CA10: variants seen among roughly 807,000 people sequenced by gnomAD.
CA10 encodes the protein carbonic anhydrase-related protein 10.
In CA10, 14 loss-of-function variants were observed where a neutral mutation model predicts 44.2. The observed-to-expected ratio is 0.32, with a 90% CI of 0.21 to 0.50. The LOEUF is 0.50. Ranked by LOEUF, CA10 falls within the 20% of genes least tolerant of loss-of-function variation. CA10 has a pLI of 0.99. For synonymous variants in CA10, 159 were observed against 141.6 expected (o/e 1.12, Z -0.87); for missense variants, 350 against 409.7 (o/e 0.85, Z 1.26).
chr17:51,700,833 T>C (rs1915573865), intron 4 of CA10, among the ~76,000 whole-genome samples: 1 of 152,000 alleles, frequency 6.6e-6, no homozygotes, highest in African/African-American at 2.4e-5. Context: ...AACCAAACAC[T>C]GTATGTTCTC....
chr17:51,870,904 C>A (rs1461308113), intron 3 of CA10, among the ~76,000 whole-genome samples: 1 of 152,112 alleles, frequency 6.6e-6, no homozygotes, highest in Admixed American at 6.6e-5. Context: ...TAAAGAGATT[C>A]TTCGCTTTCC....
rs1916187322 is a variant in CA10 at position 51,717,745 on chromosome 17, A to ATG, written c.465+29887_465+29888insCA. Among the ~76,000 whole-genome samples the ATG allele has an allele frequency of 5.5e-4, 12 of 21,668 alleles. 4 individuals carry two copies. Among genetic ancestry groups the ATG allele is most frequent in the East Asian group, 2.3e-3 (1 of 442 alleles). 14.2% of individuals were successfully genotyped at this position (21,668 alleles called of 152,430 possible). Reference sequence around the variant, plus strand: ...TATATATACATATATACGTATATATACATGTATATATACGTATATATGTAT... The same window carrying ATG: ...TATATATACATATATACGTATATATATGCATGTATATATACGTATATATGTAT... On this transcript the variant is annotated intron_variant, in intron 4 of 8. Coordinates refer to ENST00000451037, the MANE Select transcript of CA10 (RefSeq NM_020178.5).
chr17:52,033,701 G>A (rs920472537), intron 2 of CA10, among the ~76,000 whole-genome samples: 3 of 152,120 alleles, frequency 2.0e-5, no homozygotes, highest in Non-Finnish European at 4.4e-5. Context: ...AAGATTAACA[G>A]CATGGAAATA....
At chr17:52,139,122 T>C (rs1219294994) in intron 1 of CA10, among the ~76,000 whole-genome samples, 2 of 152,164 alleles carry the variant, frequency 1.3e-5, no homozygotes, top group Non-Finnish European at 2.9e-5. Context: ...AAAGAGAATA[T>C]CCTATGGAGG....
At chr17:52,016,771 A>T (rs971624193) in intron 2 of CA10, among the ~76,000 whole-genome samples, 5 of 151,910 alleles carry the variant, frequency 3.3e-5, no homozygotes, top group Non-Finnish European at 7.4e-5. Flanking sequence ...AAATTATCCA[A>T]GTGTGGTGGC....
At chr17:51,946,400 T>C (rs761629280) in intron 2 of CA10, among the ~76,000 whole-genome samples, 52 of 152,304 alleles carry the variant, frequency 3.4e-4, no homozygotes, top group East Asian at 3.9e-4. Flanking sequence ...GTAGTATCTC[T>C]GGGGATTAAG....
chr17:52,030,283 CG>C (rs1328242824), intron 2 of CA10, among the ~76,000 whole-genome samples: 3 of 152,120 alleles, frequency 2.0e-5, no homozygotes, highest in Admixed American at 1.3e-4. Flanking sequence ...AAGATCATGC[CG>C]TAGGGCCTGT....
At chr17:52,107,246 G>T (rs1988680532) in intron 1 of CA10, among the ~76,000 whole-genome samples, 1 of 152,108 alleles carries the variant, frequency 6.6e-6, no homozygotes, top group Non-Finnish European at 1.5e-5. Context: ...TTGAGATTTA[G>T]TTCTGATTCC....
At chr17:51,750,569 A>G (rs754254116) in intron 3 of CA10, among the ~76,000 whole-genome samples, 2 of 152,242 alleles carry the variant, frequency 1.3e-5, no homozygotes, top group Non-Finnish European at 2.9e-5. Flanking sequence ...ACGAATCCAG[A>G]GATATTTCAT....
At chr17:51,970,123 AAAGATACTATGC>A (rs1248469341) in intron 2 of CA10, among the ~76,000 whole-genome samples, 3 of 152,078 alleles carry the variant, frequency 2.0e-5, no homozygotes, top group African/African-American at 7.2e-5. Flanking sequence ...CTTTAATTAA[AAAGATACTATGC>A]AAGGCTGGGC....
chr17:51,997,215 A>G (rs1985268296), intron 2 of CA10, among the ~76,000 whole-genome samples: 1 of 151,966 alleles, frequency 6.6e-6, no homozygotes, highest in African/African-American at 2.4e-5. Flanking sequence ...ACGCTAATTT[A>G]CCATTGTAGA....
chr17:52,120,798 G>A (rs562408797), intron 1 of CA10, among the ~76,000 whole-genome samples: 1 of 152,318 alleles, frequency 6.6e-6, no homozygotes, highest in South Asian at 2.1e-4. Flanking sequence ...TATTCGATCT[G>A]TGAGGTGGGA....
intron 1 of CA10, among the ~76,000 whole-genome samples, chr17:52,151,694 A>G (rs73987496): frequency 0.045 from 6,915 of 152,200 alleles, 401 homozygotes; most frequent in Middle Eastern, 0.14. Context: ...TATTGATGTC[A>G]GTGATGATGA....
At chr17:52,109,155 C>A (rs1248047868) in intron 1 of CA10, among the ~76,000 whole-genome samples, 1 of 152,136 alleles carries the variant, frequency 6.6e-6, no homozygotes, top group Non-Finnish European at 1.5e-5. Context: ...AGGGGCATTA[C>A]ACTCATGTTG....
chr17:52,124,817 G>A (rs1448404848), intron 1 of CA10, among the ~76,000 whole-genome samples: 1 of 152,128 alleles, frequency 6.6e-6, no homozygotes, highest in Non-Finnish European at 1.5e-5. Context: ...CTTTCTCACT[G>A]AATGAGGCTT....
intron 2 of CA10, among the ~76,000 whole-genome samples, chr17:52,026,608 A>G (rs997370080): frequency 6.6e-6 from 1 of 152,146 alleles, no homozygotes; most frequent in African/African-American, 2.4e-5. Context: ...CAGAAAACTA[A>G]CAATCATGGC....
intron 2 of CA10, among the ~76,000 whole-genome samples, chr17:51,941,851 C>A (rs553098066): frequency 1.3e-5 from 2 of 152,220 alleles, no homozygotes; most frequent in African/African-American, 4.8e-5. Context: ...TAAAATCCTG[C>A]AAAACATCTG....
At chr17:52,066,661 C>T (rs1265887836) in intron 2 of CA10, among the ~76,000 whole-genome samples, 1 of 152,170 alleles carries the variant, frequency 6.6e-6, no homozygotes, top group Non-Finnish European at 1.5e-5. Flanking sequence ...AAACCTCTTT[C>T]CTTTATAAAT....
Position 51,771,117 on chromosome 17 carries a change from C to T in CA10, c.280-23299G>A, listed in dbSNP as rs567650500. On this transcript the variant is annotated intron_variant, in intron 3 of 8. Transcript: ENST00000451037. ...CCAGTCTGGCGACAGAGTAAGACTCCGTCTCAAAAAAAAAAAAAAAAAAAA... is the reference window on the plus strand; with the variant it reads ...CCAGTCTGGCGACAGAGTAAGACTCTGTCTCAAAAAAAAAAAAAAAAAAAA... Among the ~76,000 whole-genome samples, 452 of 111,382 alleles carry T rather than the reference C, an allele frequency of 4.1e-3. 3 individuals are homozygous for T. The highest frequency in any genetic ancestry group is 6.3e-3 in the Non-Finnish European group (354 of 55,798). 73.1% of individuals were successfully genotyped at this position (111,382 alleles called of 152,430 possible). A position where few individuals can be genotyped will look rare whatever the true frequency, so the allele number is the denominator to read the frequency against.
Sources: gnomAD v4.1 joint callset for allele counts (sites outside exome capture counted in the v4.1 genomes callset) on GRCh38, gnomAD v4.1.1 for gene constraint, MANE v1.5 for transcripts, NCBI Gene and HGNC (gene_info 2026-07-23, HGNC 2026-07-21) for gene names.